The following TRABD2B variants were observed in gnomAD, a reference collection of about 807,000 sequenced individuals.
TRABD2B encodes the protein metalloprotease TIKI2.
Under a neutral mutation model 40.1 loss-of-function variants are expected in TRABD2B, and 14 were observed. That is an observed-to-expected ratio of 0.35 (90% CI 0.23 to 0.55). The LOEUF (loss-of-function observed/expected upper bound fraction) is 0.55. Ranked by LOEUF, TRABD2B falls within the 20% of genes least tolerant of loss-of-function variation. TRABD2B has a pLI of 0.90. For synonymous variants in TRABD2B, 263 were observed against 277.0 expected (o/e 0.95, Z 0.50); for missense variants, 541 against 648.6 (o/e 0.83, Z 1.80).
intron 2 of TRABD2B, among the ~76,000 whole-genome samples, chr1:47,993,766 A>C (rs2148465126): frequency 6.6e-6 from 1 of 152,356 alleles, no homozygotes; most frequent in Non-Finnish European, 1.5e-5. Flanking sequence ...CAAGCACAGC[A>C]GGTGAGGAGT....
chr1:47,952,049 T>C (rs907170538), intron 2 of TRABD2B, among the ~76,000 whole-genome samples: 11 of 152,182 alleles, frequency 7.2e-5, no homozygotes, highest in Non-Finnish European at 1.5e-4. Context: ...CGACTTCTAT[T>C]GCAGAAGCCT....
intron 2 of TRABD2B, among the ~76,000 whole-genome samples, chr1:47,959,840 A>G (rs1383708759): frequency 6.6e-6 from 1 of 152,156 alleles, no homozygotes; most frequent in Admixed American, 6.5e-5. Flanking sequence ...GAAAAAGGGA[A>G]TCCTCCCTAA....
chr1:47,849,354 A>T (rs1645515924), intron 2 of TRABD2B, among the ~76,000 whole-genome samples: 1 of 152,210 alleles, frequency 6.6e-6, no homozygotes, highest in South Asian at 2.1e-4. Context: ...CCATCTGTGA[A>T]CGAAGGAGGA....
chr1:47,970,648 C>T (rs769654280), intron 2 of TRABD2B, among the ~76,000 whole-genome samples: 4 of 152,166 alleles, frequency 2.6e-5, no homozygotes, highest in Non-Finnish European at 5.9e-5. Flanking sequence ...TTCACTTGCA[C>T]GTCTGTGGGT....
intron 3 of TRABD2B, 131 bp downstream of exon 3, chr1:47,801,342 T>C (rs1214216863): frequency 1.0e-6 from 1 of 1,002,546 alleles, no homozygotes; most frequent in African/African-American, 1.6e-5. Flanking sequence ...TGAGCCTCAA[T>C]TTCCCCACCT....
At chr1:47,908,967 G>C (rs1443578813) in intron 2 of TRABD2B, among the ~76,000 whole-genome samples, 1 of 152,242 alleles carries the variant, frequency 6.6e-6, no homozygotes, top group Non-Finnish European at 1.5e-5. Context: ...TGGACATCAG[G>C]AAGGTCTTTC....
chr1:47,944,860 CGGG>C (rs1645238980), intron 2 of TRABD2B, among the ~76,000 whole-genome samples: 2 of 152,088 alleles, frequency 1.3e-5, no homozygotes. Context: ...GCAAACTTCC[CGGG>C]AGGGAACATC....
At chr1:47,862,279 T>C (rs552556731) in intron 2 of TRABD2B, among the ~76,000 whole-genome samples, 2 of 152,246 alleles carry the variant, frequency 1.3e-5, no homozygotes, top group South Asian at 2.1e-4. Flanking sequence ...TATATACTTA[T>C]TGAGAAGGAA....
chr1:47,830,212 C>T (rs927628005), intron 2 of TRABD2B, among the ~76,000 whole-genome samples: 28 of 152,236 alleles, frequency 1.8e-4, no homozygotes, highest in Admixed American at 1.3e-4. Context: ...CCTCATTCAC[C>T]CCTTGCCCCG....
chr1:47,863,798 A>T (rs538514408), intron 2 of TRABD2B, among the ~76,000 whole-genome samples: 1 of 152,334 alleles, frequency 6.6e-6, no homozygotes, highest in East Asian at 1.9e-4. Context: ...CTGTACACAG[A>T]CATTTATAAC....
chr1:47,937,181 TATC>T (rs1261821487), intron 2 of TRABD2B, among the ~76,000 whole-genome samples: 18 of 68,382 alleles, frequency 2.6e-4, no homozygotes, highest in African/African-American at 9.6e-4. Flanking sequence ...CCACCATCAT[TATC>T]ATCATTATCA....
chr1:47,781,995 G>A (rs1234642384), intron 4 of TRABD2B, among the ~76,000 whole-genome samples: 1 of 152,182 alleles, frequency 6.6e-6, no homozygotes, highest in African/African-American at 2.4e-5. Context: ...CAATGTGGGA[G>A]CCCTGGGAAC....
intron 2 of TRABD2B, among the ~76,000 whole-genome samples, chr1:47,846,957 C>T (rs533268469): frequency 2.0e-5 from 3 of 151,858 alleles, no homozygotes; most frequent in South Asian, 2.1e-4. Flanking sequence ...CAGTGATCTG[C>T]GGGAGATAGG....
intron 3 of TRABD2B, among the ~76,000 whole-genome samples, chr1:47,796,587 C>T (rs1202872772): frequency 6.6e-6 from 1 of 152,190 alleles, no homozygotes; most frequent in African/African-American, 2.4e-5. Flanking sequence ...CTAGTGTGTT[C>T]CCCAGAGTGA....
At chr1:47,930,237 A>C (rs945570479) in intron 2 of TRABD2B, among the ~76,000 whole-genome samples, 2 of 152,226 alleles carry the variant, frequency 1.3e-5, no homozygotes, top group Non-Finnish European at 2.9e-5. Flanking sequence ...GAGAAGAGAA[A>C]GACCAGGAGG....
intron 2 of TRABD2B, among the ~76,000 whole-genome samples, chr1:47,817,155 C>A (rs1001578652): frequency 2.6e-5 from 4 of 152,014 alleles, no homozygotes; most frequent in African/African-American, 9.7e-5. Flanking sequence ...AGAGAGATAT[C>A]CTTGAGCAGC....
At chr1:47,878,320 C>T (rs1445580541) in intron 2 of TRABD2B, among the ~76,000 whole-genome samples, 1 of 151,962 alleles carries the variant, frequency 6.6e-6, no homozygotes, top group Non-Finnish European at 1.5e-5. Context: ...TCCCCTGCAC[C>T]CCCCAAAAAA....
intron 6 of TRABD2B, among the ~76,000 whole-genome samples, chr1:47,766,442 A>T (rs930806928): frequency 6.6e-6 from 1 of 152,124 alleles, no homozygotes; most frequent in African/African-American, 2.4e-5. Flanking sequence ...CTGGGGTACC[A>T]TGGGGTGGTC....
chr1:47,889,110 T>C (rs1644410942), intron 2 of TRABD2B, among the ~76,000 whole-genome samples: 1 of 152,214 alleles, frequency 6.6e-6, no homozygotes, highest in South Asian at 2.1e-4. Flanking sequence ...ACTGAAAATG[T>C]GGGCCTAACA....
Sources: gnomAD v4.1 joint callset for allele counts (sites outside exome capture counted in the v4.1 genomes callset) on GRCh38, gnomAD v4.1.1 for gene constraint, MANE v1.5 for transcripts, NCBI Gene and HGNC (gene_info 2026-07-23, HGNC 2026-07-21) for gene names.